The following SORCS3 variants were observed in gnomAD, a reference collection of about 807,000 sequenced individuals.
SORCS3 encodes sortilin related VPS10 domain containing receptor 3.
A neutral mutation model predicts 146.3 loss-of-function variants in SORCS3; 57 were observed. The ratio of observed to expected loss-of-function variants is 0.39; its 90% CI spans 0.31 to 0.49. The LOEUF (loss-of-function observed/expected upper bound fraction) is 0.49. Among genes scored for constraint, SORCS3 ranks in the 20% least tolerant of loss-of-function variants. The probability of loss-of-function intolerance (pLI) is 0.92; values close to 1 mark genes in which losing one functional copy is unlikely to be tolerated. For missense variants in SORCS3, 1,341 were observed against 1,575.5 expected, an observed-to-expected ratio of 0.85 and a Z score of 2.52; for synonymous variants, 653 against 618.5, an observed-to-expected ratio of 1.06 and a Z score of -0.83.
At chr10:105,246,322 C>CTT (rs757104080) in intron 21 of SORCS3, among the ~76,000 whole-genome samples, 13 of 150,946 alleles carry the variant, frequency 8.6e-5, no homozygotes, top group African/African-American at 3.2e-4. Context: ...CTTTTCTTTT[C>CTT]TTTTTTTTTA....
chr10:104,763,446 T>G (rs2017144674), intron 1 of SORCS3, among the ~76,000 whole-genome samples: 2 of 152,188 alleles, frequency 1.3e-5, no homozygotes, highest in Non-Finnish European at 2.9e-5. Flanking sequence ...GGCTTACAAA[T>G]AGTCAAGGAT....
At chr10:105,059,309 A>G (rs1207774266) in intron 5 of SORCS3, among the ~76,000 whole-genome samples, 1 of 151,982 alleles carries the variant, frequency 6.6e-6, no homozygotes, top group Non-Finnish European at 1.5e-5. Context: ...AAATACATAC[A>G]CTCCCTGCTA....
intron 14 of SORCS3, among the ~76,000 whole-genome samples, chr10:105,195,338 C>G (rs1007897693): frequency 6.6e-6 from 1 of 152,220 alleles, no homozygotes; most frequent in East Asian, 1.9e-4. Context: ...TGGGCTTTCT[C>G]TTTTCCTAAT....
At chr10:104,761,354 C>T (rs983537124) in intron 1 of SORCS3, among the ~76,000 whole-genome samples, 1 of 151,952 alleles carries the variant, frequency 6.6e-6, no homozygotes, top group Non-Finnish European at 1.5e-5. Context: ...GCTCCAGATA[C>T]AGGAATGAAG....
chr10:104,947,483 C>T (rs902544982), intron 3 of SORCS3, among the ~76,000 whole-genome samples: 1 of 152,130 alleles, frequency 6.6e-6, no homozygotes, highest in East Asian at 1.9e-4. Context: ...TCTCTGAACA[C>T]GGAGGCGGGG....
chr10:105,132,998 TGCCAGAGA>T (rs996855262), intron 7 of SORCS3, among the ~76,000 whole-genome samples: 3 of 152,204 alleles, frequency 2.0e-5, no homozygotes, highest in Non-Finnish European at 4.4e-5. Context: ...CTTTCTTGTG[TGCCAGAGA>T]GCCACAGGAT....
At chr10:104,642,044 C>G (rs2015427537) in intron 1 of SORCS3, 90 bp downstream of exon 1, 1 of 1,393,142 alleles carries the variant, frequency 7.2e-7, no homozygotes, top group Non-Finnish European at 9.4e-7. Context: ...GATAGTTGCT[C>G]GGGGGTCGAG....
rs114621173 is a variant in SORCS3 at position 104,995,320 on chromosome 10, C to T, written c.954+17827C>T. On this transcript the variant is annotated intron_variant, in intron 4 of 26. Transcript: ENST00000369701. ...GATCACAGGTGCACGCCACCATGAC[C>T]GGCTAACTTTTGTATTTTTAATAGA... is the stretch of plus-strand genomic sequence containing the variant. Among the ~76,000 whole-genome samples, 834 of 151,968 alleles carry T rather than the reference C, an allele frequency of 5.5e-3. 7 individuals are homozygous for T. The highest frequency in any genetic ancestry group is 0.017 in the African/African-American group (716 of 41,442).
chr10:104,879,418 C>T (rs1181597344), intron 2 of SORCS3, among the ~76,000 whole-genome samples: 2 of 152,266 alleles, frequency 1.3e-5, no homozygotes, highest in African/African-American at 2.4e-5. Flanking sequence ...TGAAAAAATT[C>T]TCCTCTTGTA....
chr10:104,962,636 T>C (rs1457133348), intron 3 of SORCS3, among the ~76,000 whole-genome samples: 1 of 152,188 alleles, frequency 6.6e-6, no homozygotes, highest in East Asian at 1.9e-4. Flanking sequence ...AGAAATTTAC[T>C]AGCTTTTCAA....
At chr10:104,837,906 G>A (rs1369671387) in intron 1 of SORCS3, among the ~76,000 whole-genome samples, 1 of 152,184 alleles carries the variant, frequency 6.6e-6, no homozygotes, top group Non-Finnish European at 1.5e-5. Context: ...AGCAGAACAA[G>A]CATGGTTGAG....
chr10:104,649,752 G>A (rs1396334364), intron 1 of SORCS3, among the ~76,000 whole-genome samples: 1 of 152,214 alleles, frequency 6.6e-6, no homozygotes, highest in Admixed American at 6.5e-5. Context: ...AGTAGAAACA[G>A]AATAATATTC....
At chr10:104,765,419 G>A (rs1215352870) in intron 1 of SORCS3, among the ~76,000 whole-genome samples, 2 of 152,186 alleles carry the variant, frequency 1.3e-5, no homozygotes, top group Non-Finnish European at 2.9e-5. Context: ...GAATTTCTGA[G>A]TCCCTGTCTC....
intron 7 of SORCS3, 47 bp downstream of exon 7, chr10:105,105,562 G>C (rs758267329): frequency 1.9e-5 from 26 of 1,335,634 alleles, no homozygotes; most frequent in African/African-American, 2.9e-5. Context: ...CATCGTTGAA[G>C]TTGGCTGCCT....
At chr10:104,972,283 C>A (rs1199404816) in intron 3 of SORCS3, among the ~76,000 whole-genome samples, 1 of 152,138 alleles carries the variant, frequency 6.6e-6, no homozygotes, top group Non-Finnish European at 1.5e-5. Flanking sequence ...GTAACTTTCT[C>A]AAGATGATAC....
At chr10:104,895,480 C>A (rs2018789131) in intron 2 of SORCS3, among the ~76,000 whole-genome samples, 3 of 152,218 alleles carry the variant, frequency 2.0e-5, no homozygotes, top group Non-Finnish European at 4.4e-5. Flanking sequence ...CTTGCGTGCA[C>A]TTTGCCTTCC....
intron 4 of SORCS3, among the ~76,000 whole-genome samples, chr10:105,011,279 A>AT (rs1462097120): frequency 6.6e-6 from 1 of 152,180 alleles, no homozygotes; most frequent in African/African-American, 2.4e-5. Context: ...TGAAACCACC[A>AT]TCATGATATG....
intron 3 of SORCS3, among the ~76,000 whole-genome samples, chr10:104,967,177 A>G (rs2054830571): frequency 2.0e-5 from 3 of 152,064 alleles, no homozygotes; most frequent in Admixed American, 1.3e-4. Flanking sequence ...CAAAGCAGCA[A>G]TTGTGTTTAG....
chr10:104,794,015 G>A (rs1460383602), intron 1 of SORCS3, among the ~76,000 whole-genome samples: 1 of 152,160 alleles, frequency 6.6e-6, no homozygotes, highest in African/African-American at 2.4e-5. Flanking sequence ...GCTGAGAAGA[G>A]GCCAGCAGAT....
Sources: allele counts gnomAD v4.1 joint callset (sites outside exome capture counted in the v4.1 genomes callset), GRCh38; gene constraint gnomAD v4.1.1; transcripts MANE v1.5; gene names NCBI Gene and HGNC (gene_info 2026-07-23, HGNC 2026-07-21).